The following MAP3K9 variants were observed in gnomAD, a reference collection of about 807,000 sequenced individuals.
MAP3K9 encodes mixed lineage kinase 1 (tyr and ser/thr specificity).
A neutral mutation model predicts 95.8 loss-of-function variants in MAP3K9; 46 were observed. The observed-to-expected ratio is 0.48, with a 90% CI of 0.38 to 0.61. MAP3K9 has a LOEUF of 0.61. Among genes scored for constraint, MAP3K9 ranks in the 20% least tolerant of loss-of-function variants. The pLI is 0.00. For missense variants in MAP3K9, 1,296 were observed against 1,474.3 expected (o/e 0.88, Z 1.98); for synonymous variants, 533 against 593.8 (o/e 0.90, Z 1.49).
intron 5 of MAP3K9, among the ~76,000 whole-genome samples, chr14:70,745,045 A>G (rs1284374713): frequency 6.6e-6 from 1 of 152,148 alleles, no homozygotes; most frequent in Non-Finnish European, 1.5e-5. Flanking sequence ...AAAACAAAGC[A>G]TGCCTACAAA....
Position 70,733,146 on chromosome 14 carries a change from C to T in MAP3K9, c.2223G>A (p.Arg741=). ...PQLTPTNSLK[R]GGAHHRRCEV... is the part of the protein sequence containing the mutation. ...CGCAGCGGCGGTGGTGGGCACCGCC[C>T]CGCTTGAGGCTGTTGGTTGGCGTCA... The change falls in exon 11 of 12, where the codon CGG becomes CGA. Residue 741 remains arginine (R), a synonymous_variant. Transcript: ENST00000554752. 1.2e-6 allele frequency: 2 copies of T among 1,612,962 alleles called. No homozygotes were observed. Among genetic ancestry groups the T allele is most frequent in the East Asian group, 2.2e-5 (1 of 44,842 alleles).
At chr14:70,749,815 G>T in intron 4 of MAP3K9, 118 bp downstream of exon 4, 1 of 1,258,090 alleles carries the variant, frequency 7.9e-7, no homozygotes. Context: ...TTCCTCCTTA[G>T]GTGACTGAAA....
At chr14:70,789,320 G>C (rs931213653) in intron 2 of MAP3K9, among the ~76,000 whole-genome samples, 1 of 152,194 alleles carries the variant, frequency 6.6e-6, no homozygotes, top group African/African-American at 2.4e-5. Flanking sequence ...TGGCTTAGGA[G>C]AGGGCTACTC....
chr14:70,800,476 T>C lies in MAP3K9; in HGVS notation c.820+191A>G, dbSNP rs775361681. The stretch of plus-strand genomic sequence containing the variant: ...TTATCCCAAACTCCTCAGGCGCCTC[T>C]TTCCTCTCTTCCTAAACCAATCTTT... On this transcript the variant is annotated intron_variant, in intron 2 of 11. Coordinates refer to ENST00000554752, the MANE Select transcript of MAP3K9 (RefSeq NM_001284230.2). Among the ~76,000 whole-genome samples the C allele has an allele frequency of 3.6e-4, 54 of 152,020 alleles. 1 individual carries two copies. Among genetic ancestry groups the C allele is most frequent in the Non-Finnish European group, 3.1e-4 (21 of 67,972 alleles).
chr14:70,746,934 T>C (rs889545047), intron 5 of MAP3K9, among the ~76,000 whole-genome samples: 3 of 152,162 alleles, frequency 2.0e-5, no homozygotes, highest in African/African-American at 7.2e-5. Context: ...TGGAATACTA[T>C]TTAGTGAGAG....
chr14:70,741,952 A>G (rs897475407), intron 6 of MAP3K9, among the ~76,000 whole-genome samples: 1 of 152,198 alleles, frequency 6.6e-6, no homozygotes, highest in Non-Finnish European at 1.5e-5. Context: ...TGTCTCAAAA[A>G]AAAGAAACCT....
intron 6 of MAP3K9, 112 bp downstream of exon 6, chr14:70,742,239 T>C: frequency 7.1e-7 from 1 of 1,417,116 alleles, no homozygotes; most frequent in Non-Finnish European, 9.5e-7. Context: ...CAGGCTGGAG[T>C]TTGAGCCCCA....
intron 2 of MAP3K9, among the ~76,000 whole-genome samples, chr14:70,764,209 AGT>A (rs2054416612): frequency 1.4e-5 from 2 of 140,836 alleles, no homozygotes; most frequent in Non-Finnish European, 3.1e-5. Flanking sequence ...AAAAAAAAAA[AGT>A]TAACTGTAAA....
intron 5 of MAP3K9, among the ~76,000 whole-genome samples, chr14:70,745,737 CAA>C (rs1217101409): frequency 1.8e-5 from 2 of 110,814 alleles, no homozygotes; most frequent in South Asian, 2.8e-4. Flanking sequence ...GACTCTGTCT[CAA>C]AAAAAAAAAA....
chr14:70,800,596 A>G, intron 2 of MAP3K9, 71 bp downstream of exon 2: 1 of 1,489,928 alleles, frequency 6.7e-7, no homozygotes, highest in Non-Finnish European at 9.2e-7. Flanking sequence ...TTAGAAGTCC[A>G]CTCCTACTGA....
At chr14:70,779,946 G>A (rs891833643) in intron 2 of MAP3K9, among the ~76,000 whole-genome samples, 3 of 152,234 alleles carry the variant, frequency 2.0e-5, no homozygotes, top group Non-Finnish European at 2.9e-5. Flanking sequence ...GAGACAGAAC[G>A]GATAGATGAG....
chr14:70,800,454 T>C (rs1336386924), intron 2 of MAP3K9, among the ~76,000 whole-genome samples: 5 of 151,986 alleles, frequency 3.3e-5, no homozygotes, highest in Admixed American at 2.0e-4. Context: ...CTCAAAATTA[T>C]CCCAAACTCC....
At chr14:70,751,088 G>T (rs143039844) in intron 3 of MAP3K9, among the ~76,000 whole-genome samples, 2 of 152,218 alleles carry the variant, frequency 1.3e-5, no homozygotes, top group African/African-American at 4.8e-5. Flanking sequence ...GTTTCACAAG[G>T]GTAGACCACA....
At chr14:70,778,766 T>C (rs1202217731) in intron 2 of MAP3K9, among the ~76,000 whole-genome samples, 1 of 152,218 alleles carries the variant, frequency 6.6e-6, no homozygotes, top group African/African-American at 2.4e-5. Flanking sequence ...TACTTACAGA[T>C]GAAGAAGCTG....
intron 3 of MAP3K9, among the ~76,000 whole-genome samples, chr14:70,755,663 G>A (rs1349693176): frequency 6.6e-6 from 1 of 152,218 alleles, no homozygotes; most frequent in Non-Finnish European, 1.5e-5. Flanking sequence ...CTAAAGGTGA[G>A]AGACCATTTG....
chr14:70,788,046 A>G (rs1472976668), intron 2 of MAP3K9, among the ~76,000 whole-genome samples: 1 of 152,264 alleles, frequency 6.6e-6, no homozygotes, highest in Admixed American at 6.5e-5. Context: ...AAGATACTTA[A>G]TCGCATTTGC....
intron 1 of MAP3K9, among the ~76,000 whole-genome samples, chr14:70,803,192 G>A (rs997044318): frequency 1.3e-5 from 2 of 151,934 alleles, no homozygotes; most frequent in African/African-American, 4.8e-5. Flanking sequence ...AGATGCTGGT[G>A]CCATGCTTCC....
chr14:70,764,491 C>T (rs2054422191), intron 2 of MAP3K9, among the ~76,000 whole-genome samples: 1 of 151,770 alleles, frequency 6.6e-6, no homozygotes, highest in Non-Finnish European at 1.5e-5. Context: ...GGAACCTATG[C>T]CATGTCCCCT....
At chr14:70,760,402 C>A (rs761091729) in intron 3 of MAP3K9, among the ~76,000 whole-genome samples, 3 of 152,142 alleles carry the variant, frequency 2.0e-5, no homozygotes, top group Non-Finnish European at 4.4e-5. Flanking sequence ...CATTTCTAGT[C>A]TGCGGCTTTG....
Sources: gnomAD v4.1 joint callset for allele counts (sites outside exome capture counted in the v4.1 genomes callset) on GRCh38, gnomAD v4.1.1 for gene constraint, MANE v1.5 for transcripts, NCBI Gene and HGNC (gene_info 2026-07-23, HGNC 2026-07-21) for gene names.